MAP2K3: variants seen among roughly 807,000 people sequenced by gnomAD.
MAP2K3 encodes mitogen-activated protein kinase kinase 3, also known as dual specificity mitogen-activated protein kinase kinase 3.
Under a neutral mutation model 46.4 loss-of-function variants are expected in MAP2K3, and 30 were observed. That is an observed-to-expected ratio of 0.65 (90% CI 0.48 to 0.88). The LOEUF is 0.88. Ranked by LOEUF, MAP2K3 falls within the 40% of genes least tolerant of loss-of-function variation. MAP2K3 has a pLI of 0.00. For synonymous variants in MAP2K3, 189 were observed against 176.3 expected, an observed-to-expected ratio of 1.07 and a Z score of -0.57; for missense variants, 380 against 464.5, an observed-to-expected ratio of 0.82 and a Z score of 1.67.
intron 9 of MAP2K3, among the ~76,000 whole-genome samples, chr17:21,310,538 C>T (rs570051586): frequency 6.6e-6 from 1 of 152,380 alleles, no homozygotes; most frequent in African/African-American, 2.4e-5. Context: ...CCTGCAAGGG[C>T]CCCAGAGCTC....
At chr17:21,306,040 G>T (rs113000527) in intron 9 of MAP2K3, among the ~76,000 whole-genome samples, 1 of 152,218 alleles carries the variant, frequency 6.6e-6, no homozygotes, top group African/African-American at 2.4e-5. Context: ...AAGCGCTGGC[G>T]GGGTGTTTTC....
intron 9 of MAP2K3, among the ~76,000 whole-genome samples, chr17:21,306,976 G>A (rs903068839): frequency 6.6e-6 from 1 of 152,302 alleles, no homozygotes; most frequent in Non-Finnish European, 1.5e-5. Context: ...TGTAGAAAAG[G>A]GGTCTCACTA....
chr17:21,296,984 C>T (rs935240816), intron 1 of MAP2K3, among the ~76,000 whole-genome samples: 10 of 152,304 alleles, frequency 6.6e-5, no homozygotes, highest in South Asian at 4.1e-4. Flanking sequence ...GCGGGGTCCC[C>T]GGGGTGGCTT....
At chr17:21,299,707 G>T (rs1976482560) in intron 3 of MAP2K3, among the ~76,000 whole-genome samples, 1 of 15,594 alleles carries the variant, frequency 6.4e-5, no homozygotes, top group Non-Finnish European at 1.4e-4. Flanking sequence ...AAAGAGCTGG[G>T]CACGGTGGCT....
chr17:21,304,295 T>G, intron 7 of MAP2K3, 131 bp from the exon 8 acceptor site: 1 of 1,530,900 alleles, frequency 6.5e-7, no homozygotes, highest in South Asian at 1.2e-5. Flanking sequence ...TGGTGCAACC[T>G]GCCCACTGGG....
chr17:21,304,269 C>G (rs1295261821), intron 7 of MAP2K3, among the ~76,000 whole-genome samples, 157 bp from the exon 8 acceptor site: 4 of 152,308 alleles, frequency 2.6e-5, no homozygotes, highest in Non-Finnish European at 5.9e-5. Flanking sequence ...GTTCCCTGGT[C>G]TGACCCTTGG....
Position 21,284,800 on chromosome 17 carries a change from G to GCCGCCGCTGCTCCT in MAP2K3, c.-115_-102dup. ...CGCAGTCGCCGCCGCCGCCGCCGCCGCCGCCGCTGCTCCTCCGCCTGGCCT... is the reference window on the plus strand; with the variant it reads ...CGCAGTCGCCGCCGCCGCCGCCGCCGCCGCCGCTGCTCCTCCGCCGCTGCTCCTCCGCCTGGCCT... On this transcript the variant is annotated 5_prime_UTR_variant, in exon 1 of 12. Transcript: ENST00000342679. 8.5e-7 allele frequency: 1 copy of GCCGCCGCTGCTCCT among 1,178,924 alleles called. No individual in the cohort carries two copies. Among genetic ancestry groups the GCCGCCGCTGCTCCT allele is most frequent in the South Asian group, 1.7e-5 (1 of 57,470 alleles). 73.0% of individuals were successfully genotyped at this position (1,178,924 alleles called of 1,614,324 possible).
chr17:21,300,454 C>G, intron 3 of MAP2K3, 91 bp from the exon 4 acceptor site: 1 of 1,335,320 alleles, frequency 7.5e-7, no homozygotes, highest in Non-Finnish European at 1.1e-6. Context: ...TCAGCTGGTC[C>G]TCTTCATGCT....
chr17:21,285,533 C>G (rs1188913220), intron 1 of MAP2K3, among the ~76,000 whole-genome samples: 1 of 152,082 alleles, frequency 6.6e-6, no homozygotes, highest in Non-Finnish European at 1.5e-5. Context: ...CCTTCTCTCC[C>G]CCAGCTCTTC....
At chr17:21,300,720 T>C (rs1397675598) in intron 4 of MAP2K3, 62 bp downstream of exon 4, 3 of 1,596,084 alleles carry the variant, frequency 1.9e-6, no homozygotes, top group South Asian at 2.2e-5. Context: ...AGCTCTGCCA[T>C]GGGGCCCTGC....
chr17:21,306,101 C>CAG (rs967104394), intron 9 of MAP2K3, among the ~76,000 whole-genome samples: 4 of 152,244 alleles, frequency 2.6e-5, no homozygotes, highest in Non-Finnish European at 2.9e-5. Flanking sequence ...CAGTGCCCTG[C>CAG]AGTTCCGTTC....
intron 3 of MAP2K3, among the ~76,000 whole-genome samples, chr17:21,299,681 CA>C (rs68190120): frequency 0.042 from 5,613 of 133,110 alleles, 53 homozygotes; most frequent in Non-Finnish European, 0.054. Context: ...GACCCCGTTT[CA>C]AAAAAAAAAA....
chr17:21,288,808 C>T (rs1020473469), intron 1 of MAP2K3, among the ~76,000 whole-genome samples: 6 of 152,226 alleles, frequency 3.9e-5, no homozygotes, highest in Non-Finnish European at 7.3e-5. Flanking sequence ...CCAGCCGAGG[C>T]ATGCCTCTGT....
At chr17:21,285,264 T>C in intron 1 of MAP2K3, 1 of 985,328 alleles carries the variant, frequency 1.0e-6, no homozygotes, top group Non-Finnish European at 1.2e-6. Context: ...CTGACCTCAT[T>C]TGGGCCTTAT....
At chr17:21,313,788 T>G (rs1977279998) in intron 11 of MAP2K3, 1 of 582,398 alleles carries the variant, frequency 1.7e-6, no homozygotes, top group East Asian at 2.8e-5. Context: ...GGGCCAAGGG[T>G]GGCATCAGGG....
intron 1 of MAP2K3, among the ~76,000 whole-genome samples, chr17:21,294,464 G>T (rs1976127365): frequency 6.6e-6 from 1 of 152,306 alleles, no homozygotes; most frequent in East Asian, 1.9e-4. Flanking sequence ...CCCTTAGAGG[G>T]TCACACAGCT....
At chr17:21,312,092 G>T (rs1198657515) in intron 9 of MAP2K3, 50 bp from the exon 10 acceptor site, 1 of 1,478,424 alleles carries the variant, frequency 6.8e-7, no homozygotes, top group African/African-American at 1.5e-5. Context: ...TGGGTGCAGA[G>T]CGTGGTTGTA....
intron 9 of MAP2K3, among the ~76,000 whole-genome samples, chr17:21,307,139 C>T (rs1358944287): frequency 2.0e-5 from 3 of 152,304 alleles, no homozygotes; most frequent in South Asian, 4.1e-4. Context: ...CATCAGTTGG[C>T]GGGTGATGCT....
chr17:21,290,399 G>A (rs1373412880), intron 1 of MAP2K3, among the ~76,000 whole-genome samples: 1 of 3,614 alleles, frequency 2.8e-4, no homozygotes, highest in Non-Finnish European at 7.5e-4. Context: ...CGTTGGCATG[G>A]CACACGGCAT....
Sources: gnomAD v4.1 joint callset for allele counts (sites outside exome capture counted in the v4.1 genomes callset) on GRCh38, gnomAD v4.1.1 for gene constraint, MANE v1.5 for transcripts, NCBI Gene and HGNC (gene_info 2026-07-23, HGNC 2026-07-21) for gene names.